Variants in SRGAP2B observed in about 807,000 individuals in gnomAD.
The protein encoded by SRGAP2B is SLIT-ROBO Rho GTPase activating protein 2B.
SRGAP2B carries 9 observed loss-of-function variants against 22.2 expected under a neutral mutation model. The observed-to-expected ratio is 0.41, with a 90% CI of 0.24 to 0.71. The LOEUF (loss-of-function observed/expected upper bound fraction) is 0.71, where lower values mean the gene tolerates loss of function less well. Ranked by LOEUF, SRGAP2B falls within the 30% of genes least tolerant of loss-of-function variation. The pLI, the probability that SRGAP2B is intolerant of heterozygous loss-of-function variation, is 0.35. For missense variants in SRGAP2B, 114 were observed against 235.8 expected (o/e 0.48, Z 3.38); for synonymous variants, 36 against 87.4 (o/e 0.41, Z 3.28).
chr1:144,894,096 A>ATT (rs1662253026), intron 8 of SRGAP2B, among the ~76,000 whole-genome samples: 1 of 139,952 alleles, frequency 7.1e-6, no homozygotes. Flanking sequence ...AAGAGCCATC[A>ATT]TTTTACCAGG....
intron 2 of SRGAP2B, among the ~76,000 whole-genome samples, chr1:145,045,335 AAGAG>A (rs1164681075): frequency 2.8e-5 from 4 of 144,974 alleles, no homozygotes; most frequent in South Asian, 2.2e-4. Context: ...AAGAGAAAGA[AAGAG>A]AGAGAGAGTG....
chr1:144,921,911 T>TC (rs1664285781), intron 4 of SRGAP2B, among the ~76,000 whole-genome samples: 1 of 148,762 alleles, frequency 6.7e-6, no homozygotes, highest in Non-Finnish European at 1.5e-5. Context: ...GGAAACTCCA[T>TC]CAGAGGTTAG....
At chr1:144,891,779 A>G (rs1229449641) in exon 10 of SRGAP2B, 1 of 88,022 alleles carries the variant, frequency 1.1e-5, no homozygotes, top group Non-Finnish European at 2.1e-5. Flanking sequence ...CATATCACCT[A>G]GAAGAGATTA....
At chr1:144,945,580 CCAT>C in intron 4 of SRGAP2B, among the ~76,000 whole-genome samples, 1 of 150,882 alleles carries the variant, frequency 6.6e-6, no homozygotes, top group South Asian at 2.1e-4. Flanking sequence ...GACAGAGACT[CCAT>C]CTCTTTAAAA....
At chr1:145,093,833 C>G (rs1654191213) in intron 1 of SRGAP2B, among the ~76,000 whole-genome samples, 1 of 143,250 alleles carries the variant, frequency 7.0e-6, no homozygotes, top group Non-Finnish European at 1.5e-5. Flanking sequence ...CCCTGTACAT[C>G]AAAGGGGATC....
intron 2 of SRGAP2B, among the ~76,000 whole-genome samples, chr1:145,042,008 A>G (rs1649310336): frequency 6.7e-6 from 1 of 148,960 alleles, no homozygotes; most frequent in Non-Finnish European, 1.5e-5. Context: ...AAGGCAAAGA[A>G]GCAAGATTTT....
At chr1:144,901,633 A>AT (rs1662666994) in intron 7 of SRGAP2B, among the ~76,000 whole-genome samples, 1 of 144,110 alleles carries the variant, frequency 6.9e-6, no homozygotes, top group Non-Finnish European at 1.5e-5. Context: ...GAAAGAAATC[A>AT]TAACAGTGGT....
chr1:144,999,517 CAAAG>C lies in SRGAP2B; in HGVS notation c.68-4321_68-4318del, dbSNP rs1372953659. On this transcript the variant is annotated intron_variant, in intron 2 of 9. Transcript: ENST00000612199. The stretch of plus-strand genomic sequence containing the variant: ...CTCTGTCTAAAGAGGCATGGCTTGA[CAAAG>C]AAGAGAAAGGACAAGAGAACACAAA... Among the ~76,000 whole-genome samples, 22 of 146,414 alleles carry C rather than the reference CAAAG, an allele frequency of 1.5e-4. 1 individual carries two copies. The highest frequency in any genetic ancestry group is 2.7e-4 in the Admixed American group (4 of 14,768).
chr1:145,002,106 G>A (rs1192542038), intron 2 of SRGAP2B, among the ~76,000 whole-genome samples: 1 of 90,506 alleles, frequency 1.1e-5, no homozygotes, highest in Non-Finnish European at 2.1e-5. Flanking sequence ...TTATATCCAT[G>A]TTTTCCCCAC....
At chr1:144,950,380 AG>A (rs1553609165) in intron 4 of SRGAP2B, among the ~76,000 whole-genome samples, 2 of 114,396 alleles carry the variant, frequency 1.7e-5, no homozygotes, top group African/African-American at 7.2e-5. Flanking sequence ...GCCTCCCTTA[AG>A]GGGGTTCAAT....
chr1:144,993,204 T>C (rs1670394258), intron 3 of SRGAP2B, among the ~76,000 whole-genome samples: 1 of 151,094 alleles, frequency 6.6e-6, no homozygotes, highest in Admixed American at 6.6e-5. Context: ...GTTTGAGGCT[T>C]TCCAGATGTA....
chr1:144,907,625 G>C (rs1285291486), intron 5 of SRGAP2B, among the ~76,000 whole-genome samples: 2 of 149,312 alleles, frequency 1.3e-5, no homozygotes, highest in Non-Finnish European at 1.5e-5. Context: ...AAATATTTTT[G>C]ATTGTCACAA....
chr1:144,939,787 A>G (rs1341332570), intron 4 of SRGAP2B, among the ~76,000 whole-genome samples: 1 of 146,490 alleles, frequency 6.8e-6, no homozygotes, highest in African/African-American at 2.6e-5. Flanking sequence ...CTCTGAGAGC[A>G]GCAAAAAGAG....
At chr1:144,975,372 G>A (rs587637350) in intron 3 of SRGAP2B, among the ~76,000 whole-genome samples, 11 of 149,828 alleles carry the variant, frequency 7.3e-5, no homozygotes, top group Non-Finnish European at 1.3e-4. Flanking sequence ...ATTGCAAGTG[G>A]TATTGAGAGG....
intron 3 of SRGAP2B, among the ~76,000 whole-genome samples, chr1:144,960,071 C>T (rs587697706): frequency 7.2e-5 from 4 of 55,876 alleles, no homozygotes; most frequent in Non-Finnish European, 1.4e-4. Context: ...AAGGGAACTT[C>T]GTTTGGTTAG....
intron 3 of SRGAP2B, among the ~76,000 whole-genome samples, chr1:144,993,149 G>T (rs1156314347): frequency 6.6e-6 from 1 of 151,014 alleles, no homozygotes; most frequent in Non-Finnish European, 1.5e-5. Context: ...GTTCTGTTTG[G>T]CTCGGGTATA....
intron 2 of SRGAP2B, among the ~76,000 whole-genome samples, chr1:145,009,094 G>A (rs11249390): frequency 4.8e-5 from 7 of 144,492 alleles, no homozygotes; most frequent in East Asian, 2.0e-4. Flanking sequence ...GGAGAATGGC[G>A]TGAACCTGGG....
Position 144,963,425 on chromosome 1 carries a change from G to A in SRGAP2B, c.261-7824C>T, listed in dbSNP as rs1178484941. On this transcript the variant is annotated intron_variant, in intron 3 of 9. Coordinates refer to ENST00000612199, the Ensembl canonical transcript of SRGAP2B. ...TGACCGAGGAACATAAAATTTATACGTTTCTCAGCTTAAAAAGAATTCGTA... is the reference window on the plus strand; with the variant it reads ...TGACCGAGGAACATAAAATTTATACATTTCTCAGCTTAAAAAGAATTCGTA... Among the ~76,000 whole-genome samples, 4 of 135,560 alleles carry A rather than the reference G, an allele frequency of 3.0e-5. No homozygotes were observed. In the South Asian group the frequency reaches 1.1e-3, roughly 36 times the overall value. The allele number at this position is 135,560 out of a possible 152,430, so 88.9% of individuals were successfully genotyped here.
At chr1:145,073,017 A>T (rs1178296594) in intron 2 of SRGAP2B, among the ~76,000 whole-genome samples, 2 of 147,772 alleles carry the variant, frequency 1.4e-5, no homozygotes, top group Admixed American at 1.3e-4. Flanking sequence ...CTCCAACCAA[A>T]CTCGGAGCAA....
Sources: gnomAD v4.1 joint callset for allele counts (sites outside exome capture counted in the v4.1 genomes callset) on GRCh38, gnomAD v4.1.1 for gene constraint, MANE v1.5 for transcripts, NCBI Gene and HGNC (gene_info 2026-07-23, HGNC 2026-07-21) for gene names.